GNA13: variants seen among roughly 807,000 people sequenced by gnomAD.
GNA13 encodes guanine nucleotide-binding protein subunit alpha-13.
A neutral mutation model predicts 33.5 loss-of-function variants in GNA13; 4 were observed. That is an observed-to-expected ratio of 0.12 (90% CI 0.06 to 0.27). The LOEUF (loss-of-function observed/expected upper bound fraction) is 0.27, where lower values mean the gene tolerates loss of function less well. Ranked by LOEUF, GNA13 falls within the 10% of genes least tolerant of loss-of-function variation. GNA13 has a pLI of 1.00. For synonymous variants in GNA13, 176 were observed against 183.8 expected (o/e 0.96, Z 0.34); for missense variants, 319 against 487.2 (o/e 0.65, Z 3.25).
At chr17:65,018,455 T>A (rs184189481) in intron 2 of GNA13, 152 bp from the exon 3 acceptor site, 3 of 614,502 alleles carry the variant, frequency 4.9e-6, no homozygotes, top group African/African-American at 1.9e-5. Flanking sequence ...TAAAAACATA[T>A]AAAACGTCTG....
At chr17:65,030,046 G>C (rs138153396) in intron 2 of GNA13, among the ~76,000 whole-genome samples, 2 of 152,118 alleles carry the variant, frequency 1.3e-5, no homozygotes, top group African/African-American at 2.4e-5. Context: ...GCAGTGGTAC[G>C]GGAAGATGCT....
intron 2 of GNA13, among the ~76,000 whole-genome samples, chr17:65,032,110 T>G (rs145582232): frequency 6.4e-4 from 98 of 152,046 alleles, no homozygotes; most frequent in Non-Finnish European, 1.1e-3. Context: ...CAGAAGCCAT[T>G]CCATCTAGCA....
intron 2 of GNA13, among the ~76,000 whole-genome samples, chr17:65,046,472 T>G (rs1907668811): frequency 6.6e-6 from 1 of 152,100 alleles, no homozygotes; most frequent in Admixed American, 6.6e-5. Flanking sequence ...TAAAATTATT[T>G]GTAGAGACAG....
Position 65,053,559 on chromosome 17 carries a change from T to C in GNA13, c.453A>G (p.Ala151=), listed in dbSNP as rs774977471. Reference sequence around the variant, plus strand: ...TCTGTATGCCGCTGTCTGCCCATAATGCTCTTATAGCAGGAAGATATTGTA... The same window carrying C: ...TCTGTATGCCGCTGTCTGCCCATAACGCTCTTATAGCAGGAAGATATTGTA... ...VFLQYLPAIR[A]LWADSGIQNA... Residue 151 remains alanine (A), a synonymous_variant, in exon 2 of 4, where the codon GCA becomes GCG. Transcript: ENST00000439174. 2.5e-6 allele frequency: 4 copies of C among 1,613,918 alleles called. No individual in the cohort carries two copies. Among genetic ancestry groups the C allele is most frequent in the Non-Finnish European group, 3.4e-6 (4 of 1,179,850 alleles).
intron 2 of GNA13, among the ~76,000 whole-genome samples, chr17:65,050,569 A>T (rs1188106722): frequency 1.3e-5 from 2 of 152,130 alleles, no homozygotes; most frequent in Non-Finnish European, 2.9e-5. Context: ...TCTCTACAAA[A>T]ATTTTTTTTT....
At chr17:65,016,007 TTC>T (rs1474365359) in intron 3 of GNA13, among the ~76,000 whole-genome samples, 2 of 152,194 alleles carry the variant, frequency 1.3e-5, no homozygotes, top group Non-Finnish European at 2.9e-5. Context: ...AAATGAGCTC[TTC>T]TCTGCACTCT....
chr17:65,011,455 G>A lies in GNA13; in HGVS notation c.*2802C>T, dbSNP rs1354231564. On this transcript the variant is annotated 3_prime_UTR_variant, in exon 4 of 4. Transcript: ENST00000439174. ...ATATTTGGCAGACAGCAACAATGCA[G>A]GTTATTAAAAATATTAAAGGGGCAG... 5.0e-6 allele frequency: 1 copy of A among 198,460 alleles called. No homozygotes were observed. The allele number at this position is 198,460 out of a possible 1,614,324, so 12.3% of individuals were successfully genotyped here. A position where few individuals can be genotyped will look rare whatever the true frequency, so the allele number is the denominator to read the frequency against.
chr17:65,056,711 G>T lies in GNA13; in HGVS notation c.-118C>A. The T allele has an allele frequency of 1.7e-6, 1 of 581,806 alleles. No individual in the cohort carries two copies. The highest frequency in any genetic ancestry group is 2.0e-5 in the African/African-American group (1 of 49,558). 36.0% of individuals were successfully genotyped at this position (581,806 alleles called of 1,614,324 possible). ...CGGGGAGCGCGGCGGCGGCCCGAGC[G>T]CGCCCAGGGAGGGAGGGAACCAGCG... On this transcript the variant is annotated 5_prime_UTR_variant, in exon 1 of 4. Transcript: ENST00000439174.
intron 2 of GNA13, among the ~76,000 whole-genome samples, chr17:65,024,032 T>C (rs1011561666): frequency 1.3e-5 from 2 of 152,118 alleles, no homozygotes; most frequent in Admixed American, 1.3e-4. Flanking sequence ...AGCGGGAGGA[T>C]TGCTTGAGCC....
At chr17:65,031,890 G>A (rs796760525) in intron 2 of GNA13, among the ~76,000 whole-genome samples, 200 of 86,204 alleles carry the variant, frequency 2.3e-3, no homozygotes, top group African/African-American at 3.8e-3. Context: ...GAGAGAGAGA[G>A]AGAGAAAGAG....
intron 2 of GNA13, among the ~76,000 whole-genome samples, chr17:65,030,456 G>C (rs1906961607): frequency 6.6e-6 from 1 of 152,198 alleles, no homozygotes; most frequent in African/African-American, 2.4e-5. Flanking sequence ...CTGATAATGA[G>C]AATGTTAGGT....
At chr17:65,031,915 AGAGAGAGTGTGTGT>A (rs1295860703) in intron 2 of GNA13, among the ~76,000 whole-genome samples, 4 of 131,442 alleles carry the variant, frequency 3.0e-5, no homozygotes, top group African/African-American at 1.3e-4. Context: ...AGAGAGAGAG[AGAGAGAGTGTGTGT>A]GTGTGTGTGT....
At chr17:65,054,116 T>C (rs774998177) in intron 1 of GNA13, among the ~76,000 whole-genome samples, 5 of 152,242 alleles carry the variant, frequency 3.3e-5, no homozygotes, top group Non-Finnish European at 5.9e-5. Flanking sequence ...ACCAAGGTTT[T>C]ATGAGCCTAA....
intron 2 of GNA13, among the ~76,000 whole-genome samples, chr17:65,030,838 C>A (rs543029623): frequency 5.3e-5 from 8 of 152,220 alleles, no homozygotes; most frequent in Non-Finnish European, 1.0e-4. Context: ...CATAGCAAGA[C>A]CCCATCTCAA....
At chr17:65,056,215 AGCGACACAGCGGACCAGG>A (rs1908050076) in intron 1 of GNA13, 78 bp downstream of exon 1, 1 of 985,876 alleles carries the variant, frequency 1.0e-6, no homozygotes, top group Non-Finnish European at 1.4e-6. Context: ...TTCCTTCGCC[AGCGACACAGCGGACCAGG>A]GCGGTGCCCC....
chr17:65,037,820 G>GACAAAGACAAAAAGACAAAA (rs1907312351), intron 2 of GNA13, among the ~76,000 whole-genome samples: 1 of 131,748 alleles, frequency 7.6e-6, no homozygotes, highest in Non-Finnish European at 1.6e-5. Flanking sequence ...ACTCTACCGT[G>GACAAAGACAAAAAGACAAAA]AGCCTTCATC....
rs1907041713 is a variant in GNA13 at position 65,031,896 on chromosome 17, A to AAGAGAGAAAGAGAG, written c.511-13594_511-13593insCTCTCTTTCTCTCT. Among the ~76,000 whole-genome samples, 3 of 71,410 alleles carry AAGAGAGAAAGAGAG rather than the reference A, an allele frequency of 4.2e-5. No homozygotes were observed. The East Asian group carries it at 1.4e-3, about 34-fold the overall frequency. The allele number at this position is 71,410 out of a possible 152,430, so 46.8% of individuals were successfully genotyped here. On this transcript the variant is annotated intron_variant, in intron 2 of 3. Transcript: ENST00000439174. ...AGAGAGAGAGAGAGAGAGAGAGAGA[A>AAGAGAGAAAGAGAG]AGAGAGAGAGAGAGAGAGAGAGAGA...
chr17:65,018,385 G>T, intron 2 of GNA13, 82 bp from the exon 3 acceptor site: 1 of 774,246 alleles, frequency 1.3e-6, no homozygotes, highest in Non-Finnish European at 2.3e-6. Context: ...ATACTGTCTG[G>T]TTGTACACTT....
At position 65,018,312 on chromosome 17, in the gene GNA13, A is replaced by C. The variant is rs1330947985; in HGVS notation, c.511-9T>G. On this transcript the variant is annotated splice_polypyrimidine_tract_variant and intron_variant, in intron 2 of 3. Coordinates refer to ENST00000439174, the MANE Select transcript of GNA13 (RefSeq NM_006572.6). ...TATTTTACAGATTCACCCTAAAAAC[A>C]AGAAGAAAACAAATAGTTATTAGGG... 1.4e-6 allele frequency: 2 copies of C among 1,385,332 alleles called. No individual in the cohort carries two copies. Among genetic ancestry groups the C allele is most frequent in the East Asian group, 4.6e-5 (2 of 43,800 alleles). 85.8% of individuals were successfully genotyped at this position (1,385,332 alleles called of 1,614,324 possible). A position where few individuals can be genotyped will look rare whatever the true frequency, so the allele number is the denominator to read the frequency against.
Sources: gnomAD v4.1 joint callset for allele counts (sites outside exome capture counted in the v4.1 genomes callset) on GRCh38, gnomAD v4.1.1 for gene constraint, MANE v1.5 for transcripts, NCBI Gene and HGNC (gene_info 2026-07-23, HGNC 2026-07-21) for gene names.